Variants in IFT81 observed in about 807,000 individuals in gnomAD.
The protein encoded by IFT81 is intraflagellar transport protein 81 homolog.
A neutral mutation model predicts 102.6 loss-of-function variants in IFT81; 72 were observed. That is an observed-to-expected ratio of 0.70 (90% CI 0.58 to 0.85). The LOEUF (loss-of-function observed/expected upper bound fraction) is 0.85. IFT81 is among the 40% of genes least tolerant of loss of function. IFT81 has a pLI of 0.00. For missense variants in IFT81, 723 were observed against 787.3 expected (o/e 0.92, Z 0.98); for synonymous variants, 237 against 242.7 (o/e 0.98, Z 0.22).
chr12:110,158,699 C>G lies in IFT81; in HGVS notation c.1042-4220C>G, dbSNP rs1465923046. Among the ~76,000 whole-genome samples the G allele has an allele frequency of 2.0e-5, 3 of 152,156 alleles. No homozygotes were observed. The East Asian group carries it at 5.8e-4, about 29-fold the overall frequency. On this transcript the variant is annotated intron_variant, in intron 10 of 18. Transcript: ENST00000242591. ...CCCCCTCCCAGGTTCACGCCATTCT[C>G]CTGCCTCAGCCTCCCGAGCAGCTGG...
chr12:110,201,392 G>C (rs1898262300), intron 14 of IFT81, among the ~76,000 whole-genome samples: 1 of 147,516 alleles, frequency 6.8e-6, no homozygotes, highest in Non-Finnish European at 1.5e-5. Flanking sequence ...ACAAGAGAAA[G>C]CTCTGTCTCC....
chr12:110,168,607 C>A, intron 11 of IFT81: 1 of 225,038 alleles, frequency 4.4e-6, no homozygotes, highest in Non-Finnish European at 7.4e-6. Context: ...AAGAGACAAT[C>A]ATGCCAGAGT....
chr12:110,153,606 G>T (rs1895665566), intron 10 of IFT81, among the ~76,000 whole-genome samples: 1 of 143,182 alleles, frequency 7.0e-6, no homozygotes, highest in African/African-American at 2.6e-5. Context: ...GCTTTTCTTT[G>T]TTGGGATATT....
At position 110,134,914 on chromosome 12, in the gene IFT81, T is replaced by G. The variant is rs755516259; in HGVS notation, c.520-34T>G. 27 of 1,528,322 alleles carry G rather than the reference T, an allele frequency of 1.8e-5. No individual in the cohort carries two copies. The South Asian group carries it at 3.1e-4, about 18-fold the overall frequency. The allele number at this position is 1,528,322 out of a possible 1,614,324, so 94.7% of individuals were successfully genotyped here. Reference sequence around the variant, plus strand: ...TCTGTTTCCTACAGACTGAGAATACTTTTTCTTATAAGGTCTTCTTTGCCA... The same window carrying G: ...TCTGTTTCCTACAGACTGAGAATACGTTTTCTTATAAGGTCTTCTTTGCCA... On this transcript the variant is annotated intron_variant, in intron 5 of 18. Transcript: ENST00000242591.
At chr12:110,138,433 A>ATTT (rs1226824135) in intron 8 of IFT81, among the ~76,000 whole-genome samples, 1 of 142,332 alleles carries the variant, frequency 7.0e-6, no homozygotes, top group Non-Finnish European at 1.5e-5. Flanking sequence ...GAGGTTAATC[A>ATTT]TTTTTTTTTT....
At position 110,143,473 on chromosome 12, in the gene IFT81, A is replaced by G; in HGVS notation, c.873A>G (p.Glu291=). The change falls in exon 9 of 19, where the codon GAA becomes GAG. Residue 291 remains glutamate, a synonymous_variant. Coordinates refer to ENST00000242591, the MANE Select transcript of IFT81 (RefSeq NM_014055.4). ...FPKELENKKK[E]LHFLQKVVSE... ...AAGAATTAGAAAATAAGAAAAAGGA[A>G]TTACATTTTTTACAAAAAGTAGTTT... 6.4e-7 allele frequency: 1 copy of G among 1,551,414 alleles called. No individual in the cohort carries two copies. Among genetic ancestry groups the G allele is most frequent in the Non-Finnish European group, 8.6e-7 (1 of 1,159,938 alleles).
intron 11 of IFT81, among the ~76,000 whole-genome samples, chr12:110,172,340 T>C (rs1566141025): frequency 6.6e-6 from 1 of 151,806 alleles, no homozygotes; most frequent in Non-Finnish European, 1.5e-5. Flanking sequence ...CCTCTGCCTC[T>C]GCCTCTGCCT....
At chr12:110,125,681 G>A (rs1333803683) in intron 1 of IFT81, among the ~76,000 whole-genome samples, 1 of 152,164 alleles carries the variant, frequency 6.6e-6, no homozygotes, top group Non-Finnish European at 1.5e-5. Flanking sequence ...AGGAGAGAAC[G>A]ACAGCTCCCG....
intron 11 of IFT81, among the ~76,000 whole-genome samples, chr12:110,166,127 G>T (rs1311066697): frequency 6.6e-6 from 1 of 152,160 alleles, no homozygotes; most frequent in Non-Finnish European, 1.5e-5. Context: ...TTATTTTGAG[G>T]ATTAATTGAA....
intron 11 of IFT81, among the ~76,000 whole-genome samples, chr12:110,179,842 A>AATAT (rs886790382): frequency 1.4e-5 from 2 of 141,744 alleles, no homozygotes; most frequent in African/African-American, 5.0e-5. Context: ...ATATACACAT[A>AATAT]ATATATATAT....
intron 10 of IFT81, among the ~76,000 whole-genome samples, chr12:110,157,363 C>A (rs1402415289): frequency 1.3e-5 from 2 of 151,656 alleles, no homozygotes; most frequent in African/African-American, 4.8e-5. Flanking sequence ...AAATAAATAA[C>A]TAAATAAATA....
chr12:110,157,424 G>C (rs547642865), intron 10 of IFT81, among the ~76,000 whole-genome samples: 1 of 152,264 alleles, frequency 6.6e-6, no homozygotes, highest in East Asian at 1.9e-4. Flanking sequence ...GCACTTGGAA[G>C]AAACCAAAGC....
At position 110,156,800 on chromosome 12, in the gene IFT81, C is replaced by A. The variant is rs538110950; in HGVS notation, c.1042-6119C>A. ...GTGTGAGCCACCACACCCAGCCTCT[C>A]CCTTACTTTTGAAGGACAGTTTTGC... On this transcript the variant is annotated intron_variant, in intron 10 of 18. Coordinates refer to ENST00000242591, the MANE Select transcript of IFT81 (RefSeq NM_014055.4). Among the ~76,000 whole-genome samples, 17 of 152,232 alleles carry A rather than the reference C, an allele frequency of 1.1e-4. No individual in the cohort carries two copies. The East Asian group carries it at 2.9e-3, about 26-fold the overall frequency.
At chr12:110,204,999 C>CAGGGCGGGAGGATCACTTGAGGCTAGG (rs1868436019) in intron 15 of IFT81, 1 of 155,188 alleles carries the variant, frequency 6.4e-6, no homozygotes, top group South Asian at 2.0e-4. Context: ...TTTGGGAGTC[C>CAGGGCGGGAGGATCACTTGAGGCTAGG]AGGGCGGGAG....
At chr12:110,143,107 G>C (rs1894995402) in intron 8 of IFT81, among the ~76,000 whole-genome samples, 1 of 152,012 alleles carries the variant, frequency 6.6e-6, no homozygotes, top group South Asian at 2.1e-4. Context: ...GCGTATTGCG[G>C]GATATAAAAG....
intron 8 of IFT81, among the ~76,000 whole-genome samples, chr12:110,139,198 G>A (rs533841723): frequency 2.6e-5 from 4 of 151,898 alleles, no homozygotes; most frequent in African/African-American, 9.7e-5. Flanking sequence ...TTAGCCAGGT[G>A]TGGTGGTGCA....
At chr12:110,147,157 G>T (rs1019208286) in intron 10 of IFT81, 109 bp downstream of exon 10, 6 of 757,952 alleles carry the variant, frequency 7.9e-6, no homozygotes, top group Non-Finnish European at 1.2e-5. Context: ...AATAAATGTT[G>T]TTCTGTCACT....
chr12:110,127,895 A>C (rs558168429), intron 2 of IFT81, 151 bp from the exon 3 acceptor site: 2 of 617,316 alleles, frequency 3.2e-6, no homozygotes, highest in South Asian at 2.1e-5. Context: ...GTGTACCCTC[A>C]CTTGGAATCT....
intron 11 of IFT81, among the ~76,000 whole-genome samples, chr12:110,180,007 G>A (rs1897252023): frequency 9.8e-6 from 1 of 102,220 alleles, no homozygotes; most frequent in Admixed American, 9.9e-5. Context: ...TAGGCACTGT[G>A]CCAGACACAG....
Sources: gnomAD v4.1 joint callset for allele counts (sites outside exome capture counted in the v4.1 genomes callset) on GRCh38, gnomAD v4.1.1 for gene constraint, MANE v1.5 for transcripts, NCBI Gene and HGNC (gene_info 2026-07-23, HGNC 2026-07-21) for gene names.